Variants in LRRC37B observed in about 807,000 individuals in gnomAD.
LRRC37B encodes leucine rich repeat containing 37B, also known as leucine-rich repeat-containing protein 37B.
Under a neutral mutation model 98.3 loss-of-function variants are expected in LRRC37B, and 28 were observed. That is an observed-to-expected ratio of 0.28 (90% CI 0.21 to 0.39). The LOEUF (loss-of-function observed/expected upper bound fraction) is 0.39. LRRC37B is among the 10% of genes least tolerant of loss of function. The probability of loss-of-function intolerance (pLI) is 1.00; values close to 1 mark genes in which losing one functional copy is unlikely to be tolerated. For synonymous variants in LRRC37B, 364 were observed against 442.7 expected (o/e 0.82, Z 2.23); for missense variants, 938 against 1,182.7 (o/e 0.79, Z 3.03).
chr17:32,040,669 A>G, intron 7 of LRRC37B: 1 of 779,838 alleles, frequency 1.3e-6, no homozygotes, highest in Non-Finnish European at 2.4e-6. Context: ...GGCCAGGTGA[A>G]GAACCCCGGC....
chr17:32,014,883 G>A (rs1262161218), intron 1 of LRRC37B, among the ~76,000 whole-genome samples: 2 of 152,224 alleles, frequency 1.3e-5, no homozygotes, highest in African/African-American at 4.8e-5. Context: ...TGTAATCCCA[G>A]CACTTTGGGA....
chr17:32,017,602 C>T (rs566529988), upstream of LRRC37B, among the ~76,000 whole-genome samples: 5 of 152,162 alleles, frequency 3.3e-5, no homozygotes, highest in South Asian at 2.1e-4. Flanking sequence ...GCTAGGAGTT[C>T]GAGACCAGCC....
chr17:32,008,188 C>G (rs535942872), intron 1 of LRRC37B, 56 bp downstream of exon 1: 71 of 225,750 alleles, frequency 3.1e-4, no homozygotes, highest in Non-Finnish European at 3.4e-4. Context: ...TCCCCTCCCC[C>G]CTTGCTCACT....
chr17:32,022,227 G>A, exon 1 of LRRC37B: 1 of 1,613,906 alleles, frequency 6.2e-7, no homozygotes, highest in South Asian at 1.1e-5. Context: ...AAATGAGACA[G>A]AATCTACCCA....
upstream of LRRC37B, chr17:32,017,226 T>G (rs1421174758): frequency 1.3e-5 from 2 of 152,218 alleles, no homozygotes; most frequent in South Asian, 2.1e-4. Context: ...ATGTTCTCTC[T>G]CTCCGAAGCT....
At chr17:32,013,894 G>A (rs890966668) in intron 1 of LRRC37B, among the ~76,000 whole-genome samples, 1 of 151,898 alleles carries the variant, frequency 6.6e-6, no homozygotes, top group African/African-American at 2.4e-5. Context: ...GATACCTTTG[G>A]CCACTACATC....
chr17:32,038,106 G>A (rs1435955884), intron 7 of LRRC37B, among the ~76,000 whole-genome samples: 8 of 149,420 alleles, frequency 5.4e-5, no homozygotes, highest in Non-Finnish European at 3.0e-5. Context: ...CAGCCTGGGC[G>A]ACACAGTGAG....
chr17:32,025,906 G>A (rs4079185), intron 2 of LRRC37B, among the ~76,000 whole-genome samples: 3 of 152,282 alleles, frequency 2.0e-5, no homozygotes, highest in South Asian at 2.1e-4. Context: ...GAATTTGCCA[G>A]CTTTTTGTTG....
intron 1 of LRRC37B, among the ~76,000 whole-genome samples, chr17:32,013,176 A>G (rs2142235561): frequency 6.6e-6 from 1 of 152,124 alleles, no homozygotes; most frequent in South Asian, 2.1e-4. Context: ...TTTACTTTCA[A>G]TTTATAAAAA....
At chr17:32,039,255 G>A (rs1911335250) in intron 7 of LRRC37B, among the ~76,000 whole-genome samples, 1 of 151,128 alleles carries the variant, frequency 6.6e-6, no homozygotes, top group Non-Finnish European at 1.5e-5. Flanking sequence ...GCAATTATAG[G>A]CATGAGGCAT....
intron 7 of LRRC37B, among the ~76,000 whole-genome samples, chr17:32,039,479 AAT>A (rs1185838390): frequency 5.1e-5 from 2 of 38,840 alleles, no homozygotes; most frequent in Non-Finnish European, 9.1e-5. Flanking sequence ...CCTGCCTAAA[AAT>A]ATATATATAT....
chr17:32,047,734 T>C (rs746826203), intron 8 of LRRC37B, 27 bp from the exon 12 acceptor site: 2 of 1,613,954 alleles, frequency 1.2e-6, no homozygotes, highest in Non-Finnish European at 1.7e-6. Flanking sequence ...TATTTCATGA[T>C]CAAAGCAGTC....
At chr17:32,041,883 C>T (rs559800120) in intron 7 of LRRC37B, 5 of 454,876 alleles carry the variant, frequency 1.1e-5, no homozygotes, top group African/African-American at 2.0e-5. Context: ...CCCCCACCTC[C>T]GTCCTGACCC....
At chr17:32,027,608 C>T (rs1481977112) in intron 2 of LRRC37B, among the ~76,000 whole-genome samples, 161 bp from the exon 6 acceptor site, 1 of 151,842 alleles carries the variant, frequency 6.6e-6, no homozygotes, top group Non-Finnish European at 1.5e-5. Context: ...GGGATGAACA[C>T]AAAAAGGAAA....
In LRRC37B at chr17:32,034,955, CT is replaced by C; in HGVS notation, c.2106del (p.Phe702LeufsTer6). On this transcript the variant is annotated frameshift_variant, in exon 6 of 12. Transcript: ENST00000327564. LOFTEE classifies it high-confidence loss of function. The stretch of plus-strand genomic sequence containing the variant: ...TGACTACTGTCGAAGATCCATATCT[CT>C]TTGAACTGCCGGCATTAAAATATCT... The C allele has an allele frequency of 6.2e-7, 1 of 1,610,954 alleles. No homozygotes were observed.
At chr17:32,048,616 CA>C (rs1250426537) in intron 9 of LRRC37B, among the ~76,000 whole-genome samples, 1 of 152,120 alleles carries the variant, frequency 6.6e-6, no homozygotes, top group African/African-American at 2.4e-5. Context: ...CTAAACCAAT[CA>C]CACATTCCAG....
exon 1 of LRRC37B, chr17:32,008,084 G>C (rs772461043): frequency 4.4e-6 from 2 of 457,882 alleles, no homozygotes; most frequent in Non-Finnish European, 8.5e-6. Flanking sequence ...GGAAGATGAC[G>C]ACGAGGACGC....
At position 32,022,640 on chromosome 17, in the gene LRRC37B, G is replaced by A. The variant is rs759546606; in HGVS notation, c.1575G>A (p.Ser525=). The change falls in exon 1 of 12, where the codon TCG becomes TCA. Residue 525 remains serine, a synonymous_variant. Coordinates refer to ENST00000327564, the Ensembl canonical transcript of LRRC37B. ...GTCCACCTACAAAGTTAGAATCTTC[G>A]CAGGATTCATTGGTGCAGTCTGAAA... 1.9e-5 allele frequency: 31 copies of A among 1,613,944 alleles called. No homozygotes were observed. In the East Asian group the frequency reaches 2.0e-4, roughly 10 times the overall value.
chr17:32,034,921 G>T (rs373846335), exon 6 of LRRC37B: 3 of 1,610,468 alleles, frequency 1.9e-6, no homozygotes, highest in South Asian at 1.1e-5. Flanking sequence ...ATTCTCAATC[G>T]CAATCCTCTG....
Sources: gnomAD v4.1 joint callset for allele counts (sites outside exome capture counted in the v4.1 genomes callset) on GRCh38, gnomAD v4.1.1 for gene constraint, MANE v1.5 for transcripts, NCBI Gene and HGNC (gene_info 2026-07-23, HGNC 2026-07-21) for gene names.